GRM1: variants seen among roughly 807,000 people sequenced by gnomAD.
The protein encoded by GRM1 is glutamate metabotropic receptor 1.
A neutral mutation model predicts 90.9 loss-of-function variants in GRM1; 33 were observed. The observed-to-expected ratio is 0.36, with a 90% CI of 0.28 to 0.49. The LOEUF (loss-of-function observed/expected upper bound fraction) is 0.49, where lower values mean the gene tolerates loss of function less well. Ranked by LOEUF, GRM1 falls within the 20% of genes least tolerant of loss-of-function variation. The probability of loss-of-function intolerance (pLI) is 0.99; values close to 1 mark genes in which losing one functional copy is unlikely to be tolerated. For synonymous variants in GRM1, 700 were observed against 613.2 expected, an observed-to-expected ratio of 1.14 and a Z score of -2.09; for missense variants, 1,190 against 1,534.3, an observed-to-expected ratio of 0.78 and a Z score of 3.75.
In GRM1 at chr6:146,301,605, A is replaced by T. The variant is rs562835363; in HGVS notation, c.951-3006A>T. On this transcript the variant is annotated intron_variant, in intron 2 of 7. Transcript: ENST00000282753. ...TAGGGAGAAACACACTTCAACCCTA[A>T]CCTTTATGTCAAAAGCAGTTATTTT... 5.3e-5 allele frequency among the ~76,000 whole-genome samples: 8 copies of T among 152,262 alleles called. No homozygotes were observed. The South Asian group carries it at 1.7e-3, about 32-fold the overall frequency.
intron 1 of GRM1, among the ~76,000 whole-genome samples, chr6:146,127,758 T>G (rs919551153): frequency 3.9e-5 from 6 of 152,224 alleles, no homozygotes; most frequent in Non-Finnish European, 8.8e-5. Flanking sequence ...TTTCCTTATT[T>G]GTAAAATAAT....
chr6:146,330,509 T>A (rs1784551365), intron 3 of GRM1, among the ~76,000 whole-genome samples: 1 of 152,194 alleles, frequency 6.6e-6, no homozygotes, highest in African/African-American at 2.4e-5. Flanking sequence ...TATAGAGATA[T>A]TTTTGATCCA....
chr6:146,139,107 T>C (rs1435081071), intron 1 of GRM1, among the ~76,000 whole-genome samples: 1 of 152,104 alleles, frequency 6.6e-6, no homozygotes, highest in Non-Finnish European at 1.5e-5. Flanking sequence ...GAGCATACTG[T>C]TTAGTTTCCA....
chr6:146,289,519 T>C (rs1782901974), intron 2 of GRM1, among the ~76,000 whole-genome samples: 1 of 152,134 alleles, frequency 6.6e-6, no homozygotes, highest in African/African-American at 2.4e-5. Context: ...GGTTAATTTA[T>C]TATGGAAGAA....
intron 2 of GRM1, among the ~76,000 whole-genome samples, chr6:146,231,924 C>T (rs1332338948): frequency 6.6e-6 from 1 of 152,004 alleles, no homozygotes; most frequent in African/African-American, 2.4e-5. Context: ...ACATCTTAGC[C>T]TCATAAAGTG....
chr6:146,048,053 C>G (rs1173358004), intron 1 of GRM1, among the ~76,000 whole-genome samples: 1 of 151,970 alleles, frequency 6.6e-6, no homozygotes, highest in South Asian at 2.1e-4. Flanking sequence ...CTCATCAACT[C>G]TTAAGGCATA....
chr6:146,229,277 C>G (rs1780364006), intron 2 of GRM1, among the ~76,000 whole-genome samples: 1 of 151,390 alleles, frequency 6.6e-6, no homozygotes, highest in Admixed American at 6.6e-5. Flanking sequence ...ACCCAACATG[C>G]CCGGCCAAAC....
intron 3 of GRM1, among the ~76,000 whole-genome samples, chr6:146,318,096 A>C (rs1784038814): frequency 6.6e-6 from 1 of 152,122 alleles, no homozygotes; most frequent in Non-Finnish European, 1.5e-5. Flanking sequence ...GGTTTGCTGG[A>C]CTCATCAACC....
At chr6:146,362,447 A>T (rs972873017) in intron 5 of GRM1, among the ~76,000 whole-genome samples, 1 of 152,130 alleles carries the variant, frequency 6.6e-6, no homozygotes, top group East Asian at 1.9e-4. Context: ...GGGGAGGCTG[A>T]GACAGGCAGA....
At chr6:146,341,020 G>A (rs1784957812) in intron 3 of GRM1, among the ~76,000 whole-genome samples, 1 of 152,308 alleles carries the variant, frequency 6.6e-6, no homozygotes, top group South Asian at 2.1e-4. Context: ...AAACCCACAT[G>A]CATGCACACA....
At position 146,308,425 on chromosome 6, in the gene GRM1, C is replaced by T. The variant is rs1038752632; in HGVS notation, c.1186+3579C>T. 9.9e-5 allele frequency among the ~76,000 whole-genome samples: 15 copies of T among 152,270 alleles called. No individual in the cohort carries two copies. The South Asian group carries it at 1.2e-3, about 13-fold the overall frequency. On this transcript the variant is annotated intron_variant, in intron 3 of 7. Coordinates refer to ENST00000282753, the MANE Select transcript of GRM1 (RefSeq NM_001278064.2). ...TTAACATAAATGTAAAATGTTACTA[C>T]TAGTGTCATGTCTTATTAGAAAACA...
intron 1 of GRM1, among the ~76,000 whole-genome samples, chr6:146,110,165 G>T (rs148921519): frequency 7.8e-4 from 118 of 152,162 alleles, no homozygotes; most frequent in African/African-American, 2.7e-3. Flanking sequence ...ATTTGGGAGG[G>T]GCCAGAGGCA....
intron 2 of GRM1, among the ~76,000 whole-genome samples, chr6:146,218,819 G>A (rs971133338): frequency 2.0e-5 from 3 of 152,136 alleles, no homozygotes; most frequent in African/African-American, 4.8e-5. Flanking sequence ...GGGAAACCGA[G>A]AAGAGAAGAC....
At chr6:146,080,352 A>G (rs1312837804) in intron 1 of GRM1, among the ~76,000 whole-genome samples, 2 of 152,046 alleles carry the variant, frequency 1.3e-5, no homozygotes, top group African/African-American at 4.8e-5. Flanking sequence ...CACTGCTTCA[A>G]TGAAGGGATG....
chr6:146,312,968 A>G (rs977441282), intron 3 of GRM1, among the ~76,000 whole-genome samples: 4 of 152,250 alleles, frequency 2.6e-5, no homozygotes, highest in Non-Finnish European at 5.9e-5. Context: ...ATGGAATCAG[A>G]GAAACATGCA....
intron 5 of GRM1, among the ~76,000 whole-genome samples, chr6:146,372,453 A>G (rs550823523): frequency 2.4e-4 from 37 of 152,002 alleles, no homozygotes; most frequent in Non-Finnish European, 4.9e-4. Flanking sequence ...GCTGTGAAGA[A>G]GATTTCTTAC....
chr6:146,034,966 A>C (rs145430983), intron 1 of GRM1, among the ~76,000 whole-genome samples: 104 of 152,148 alleles, frequency 6.8e-4, no homozygotes, highest in African/African-American at 2.4e-3. Flanking sequence ...AAAGTAAGTA[A>C]AAGCAATCAC....
intron 1 of GRM1, among the ~76,000 whole-genome samples, chr6:146,084,340 T>G (rs1461956355): frequency 6.6e-6 from 1 of 152,134 alleles, no homozygotes; most frequent in Non-Finnish European, 1.5e-5. Flanking sequence ...GGGTGTCAAT[T>G]TGAGATCTTT....
intron 3 of GRM1, among the ~76,000 whole-genome samples, chr6:146,315,562 C>CAAGCATGGCTTAAT (rs1304286292): frequency 6.6e-6 from 1 of 152,124 alleles, no homozygotes; most frequent in Non-Finnish European, 1.5e-5. Context: ...CTGTAGTTCT[C>CAAGCATGGCTTAAT]AAGCATGGCT....
Sources: gnomAD v4.1 joint callset for allele counts (sites outside exome capture counted in the v4.1 genomes callset) on GRCh38, gnomAD v4.1.1 for gene constraint, MANE v1.5 for transcripts, NCBI Gene and HGNC (gene_info 2026-07-23, HGNC 2026-07-21) for gene names.